The following PANX1 variants were observed in gnomAD, a reference collection of about 807,000 sequenced individuals.
PANX1 encodes pannexin 1, also known as pannexin-1.
A neutral mutation model predicts 38.7 loss-of-function variants in PANX1; 30 were observed. The observed-to-expected ratio is 0.78, with a 90% CI of 0.58 to 1.05. PANX1 has a LOEUF of 1.05. PANX1 is among the 50% of genes least tolerant of loss of function. The pLI is 0.00. For missense variants in PANX1, 551 were observed against 517.2 expected, an observed-to-expected ratio of 1.07 and a Z score of -0.63; for synonymous variants, 230 against 212.2, an observed-to-expected ratio of 1.08 and a Z score of -0.73.
intron 1 of PANX1, among the ~76,000 whole-genome samples, chr11:94,140,387 C>T (rs1450020498): frequency 2.6e-5 from 4 of 152,242 alleles, no homozygotes; most frequent in Non-Finnish European, 4.4e-5. Context: ...ATCTCAGTTT[C>T]TTCCCCAGAG....
chr11:94,162,618 C>T (rs575651450), intron 2 of PANX1, among the ~76,000 whole-genome samples: 1 of 152,318 alleles, frequency 6.6e-6, no homozygotes. Flanking sequence ...CCATCTTTCA[C>T]CCCTTTCTTT....
At chr11:94,141,459 G>C (rs917466250) in intron 1 of PANX1, among the ~76,000 whole-genome samples, 1 of 152,038 alleles carries the variant, frequency 6.6e-6, no homozygotes, top group African/African-American at 2.4e-5. Flanking sequence ...TCCCTCCCCA[G>C]TGCCCACCTT....
At chr11:94,157,840 G>A (rs1450972053) in intron 2 of PANX1, among the ~76,000 whole-genome samples, 2 of 152,138 alleles carry the variant, frequency 1.3e-5, no homozygotes, top group African/African-American at 2.4e-5. Context: ...GAATGGTATT[G>A]CCTAGGTTTT....
intron 1 of PANX1, among the ~76,000 whole-genome samples, chr11:94,152,300 TCAC>T (rs540293714): frequency 1.4e-4 from 22 of 152,218 alleles, no homozygotes; most frequent in Non-Finnish European, 1.8e-4. Flanking sequence ...ATTTTTGTAT[TCAC>T]CACAACAAAT....
chr11:94,179,782 C>T lies in PANX1; in HGVS notation c.726C>T (p.Asp242=), dbSNP rs747099250. ...ACTTCAGCCTCTCCTCACTCTCAGACGAGTTTGTGTGCAGCATCAAATCAG... is the reference window on the plus strand; with the variant it reads ...ACTTCAGCCTCTCCTCACTCTCAGATGAGTTTGTGTGCAGCATCAAATCAG... ...GYYFSLSSLS[D]EFVCSIKSGI... The change falls in exon 4 of 5, where the codon GAC becomes GAT. Residue 242 remains aspartate, a synonymous_variant. Coordinates refer to ENST00000227638, the MANE Select transcript of PANX1 (RefSeq NM_015368.4). 2.2e-5 allele frequency: 36 copies of T among 1,613,998 alleles called. No homozygotes were observed. Among genetic ancestry groups the T allele is most frequent in the Non-Finnish European group, 2.6e-5 (31 of 1,180,004 alleles).
rs766604601 is a variant in PANX1, at chr11:94,153,543, C to T, written c.234C>T (p.Ala78=). 1.9e-6 allele frequency: 3 copies of T among 1,614,096 alleles called. No individual in the cohort carries two copies. Among genetic ancestry groups the T allele is most frequent in the African/African-American group, 2.7e-5 (2 of 75,032 alleles). The change falls in exon 2 of 5, where the codon GCC becomes GCT. Residue 78 remains alanine, a synonymous_variant. Transcript: ENST00000227638. ...GTTCTTTCTCCTGGCGTCAGGCTGCCTTTGTGGATTCATATTGCTGGGCGG... is the reference window on the plus strand; with the variant it reads ...GTTCTTTCTCCTGGCGTCAGGCTGCTTTTGTGGATTCATATTGCTGGGCGG... ...SPSSFSWRQA[A]FVDSYCWAAV... is the part of the protein sequence containing the mutation.
intron 1 of PANX1, 88 bp downstream of exon 1, chr11:94,129,581 T>A: frequency 8.2e-7 from 1 of 1,214,398 alleles, no homozygotes; most frequent in African/African-American, 1.5e-5. Context: ...CGAGTCTGGG[T>A]ACGCCCAGCT....
chr11:94,149,391 T>C (rs73512254), intron 1 of PANX1, among the ~76,000 whole-genome samples: 8,484 of 152,230 alleles, frequency 0.056, 816 homozygotes, highest in African/African-American at 0.2. Context: ...CACCCTATGC[T>C]CCAGGTCAAG....
At chr11:94,169,047 G>A (rs1947134479) in intron 2 of PANX1, among the ~76,000 whole-genome samples, 1 of 151,694 alleles carries the variant, frequency 6.6e-6, no homozygotes, top group African/African-American at 2.4e-5. Flanking sequence ...ATCAGGTGCT[G>A]TGGTCCAGAT....
rs1485712171 is a variant in PANX1 at position 94,181,677 on chromosome 11, G to A, written c.*808G>A. On this transcript the variant is annotated 3_prime_UTR_variant, in exon 5 of 5. Transcript: ENST00000227638. ...GAGTTTGTCTACAGGCGGTTTCTCT[G>A]TTATCAAAGGCATTTGAAATAGGAT... The A allele has an allele frequency of 6.6e-6, 1 of 152,184 alleles. No individual in the cohort carries two copies. Among genetic ancestry groups the A allele is most frequent in the East Asian group, 1.9e-4 (1 of 5,198 alleles). The allele number at this position is 152,184 out of a possible 1,614,324, so 9.4% of individuals were successfully genotyped here. A position where few individuals can be genotyped will look rare whatever the true frequency, so the allele number is the denominator to read the frequency against.
At chr11:94,174,101 T>C (rs1947201515) in intron 2 of PANX1, among the ~76,000 whole-genome samples, 1 of 151,524 alleles carries the variant, frequency 6.6e-6, no homozygotes, top group South Asian at 2.1e-4. Flanking sequence ...TGTGTCTTCA[T>C]TTGGCCTTCT....
At chr11:94,164,604 A>G (rs572957076) in intron 2 of PANX1, among the ~76,000 whole-genome samples, 171 of 152,320 alleles carry the variant, frequency 1.1e-3, no homozygotes, top group Admixed American at 4.3e-3. Flanking sequence ...GTGGCCTAAC[A>G]TGTGGTCTAT....
intron 2 of PANX1, among the ~76,000 whole-genome samples, chr11:94,173,079 G>A: frequency 6.6e-6 from 1 of 151,722 alleles, no homozygotes; most frequent in East Asian, 1.9e-4. Flanking sequence ...CGCTGTCTAG[G>A]ATTGTCTGTA....
At chr11:94,174,609 TC>T (rs1238503897) in intron 2 of PANX1, among the ~76,000 whole-genome samples, 1 of 151,674 alleles carries the variant, frequency 6.6e-6, no homozygotes, top group African/African-American at 2.4e-5. Flanking sequence ...TTCCCATCTG[TC>T]CTGTGTAATC....
intron 2 of PANX1, among the ~76,000 whole-genome samples, chr11:94,172,513 G>A (rs186593796): frequency 1.3e-5 from 2 of 151,916 alleles, no homozygotes; most frequent in Non-Finnish European, 2.9e-5. Flanking sequence ...ACACATGCTT[G>A]AGCCAAATCA....
intron 1 of PANX1, among the ~76,000 whole-genome samples, chr11:94,135,136 G>A (rs1403682858): frequency 6.6e-6 from 1 of 152,202 alleles, no homozygotes; most frequent in African/African-American, 2.4e-5. Context: ...TGGACCAGGT[G>A]GGGAGCTGGG....
Position 94,181,031 on chromosome 11 carries a change from A to T in PANX1, c.*162A>T, listed in dbSNP as rs946295192. On this transcript the variant is annotated 3_prime_UTR_variant, in exon 5 of 5. Coordinates refer to ENST00000227638, the MANE Select transcript of PANX1 (RefSeq NM_015368.4). Reference sequence around the variant, plus strand: ...CCCTAATGGAAATGGTGATCAACAAAAGGTTATGGAAGAATGGTTTATGAA... The same window carrying T: ...CCCTAATGGAAATGGTGATCAACAATAGGTTATGGAAGAATGGTTTATGAA... 5 of 599,100 alleles carry T rather than the reference A, an allele frequency of 8.3e-6. No individual in the cohort carries two copies. Among genetic ancestry groups the T allele is most frequent in the African/African-American group, 1.9e-5 (1 of 53,786 alleles). The allele number at this position is 599,100 out of a possible 1,614,324, so 37.1% of individuals were successfully genotyped here.
chr11:94,178,618 A>T, intron 3 of PANX1, 26 bp downstream of exon 3: 1 of 1,576,592 alleles, frequency 6.3e-7, no homozygotes, highest in South Asian at 1.1e-5. Context: ...CAGGCAGCTC[A>T]TCGGGTTTTG....
intron 4 of PANX1, 114 bp from the exon 5 acceptor site, chr11:94,180,676 A>G: frequency 1.6e-6 from 1 of 619,392 alleles, no homozygotes; most frequent in Non-Finnish European, 2.9e-6. Flanking sequence ...AGTTAGGCCA[A>G]GAAGCAAAAC....
Sources: gnomAD v4.1 joint callset for allele counts (sites outside exome capture counted in the v4.1 genomes callset) on GRCh38, gnomAD v4.1.1 for gene constraint, MANE v1.5 for transcripts, NCBI Gene and HGNC (gene_info 2026-07-23, HGNC 2026-07-21) for gene names.